GCA: variants seen among roughly 807,000 people sequenced by gnomAD.
The protein encoded by GCA is grancalcin, EF-hand calcium-binding protein.
GCA carries 30 observed loss-of-function variants against 32.6 expected under a neutral mutation model. The observed-to-expected ratio is 0.92, with a 90% confidence interval of 0.69 to 1.25. The LOEUF (loss-of-function observed/expected upper bound fraction) is 1.25. Ranked by LOEUF, GCA falls within the 50% of genes most tolerant of loss-of-function variation. GCA has a pLI of 0.00. For synonymous variants in GCA, 102 were observed against 84.6 expected (o/e 1.21, Z -1.13); for missense variants, 291 against 266.8 (o/e 1.09, Z -0.63).
At chr2:162,329,110 T>C (rs1683988247) in intron 1 of GCA, among the ~76,000 whole-genome samples, 1 of 152,064 alleles carries the variant, frequency 6.6e-6, no homozygotes, top group South Asian at 2.1e-4. Context: ...CGGGGGTTTT[T>C]TTATAGGCAC....
chr2:162,371,321 G>T (rs376836298), exon 5 of GCA: 2 of 1,287,136 alleles, frequency 1.6e-6, no homozygotes, highest in South Asian at 2.5e-5. Flanking sequence ...AGGAATGAAC[G>T]TAATTAACTT....
intron 3 of GCA, among the ~76,000 whole-genome samples, chr2:162,353,963 T>C (rs1685129123): frequency 6.6e-6 from 1 of 152,124 alleles, no homozygotes; most frequent in South Asian, 2.1e-4. Context: ...CTATTGAGTC[T>C]TTCATTTCTG....
chr2:162,355,879 A>G (rs1685243275), intron 3 of GCA, among the ~76,000 whole-genome samples: 2 of 151,912 alleles, frequency 1.3e-5, no homozygotes, highest in Non-Finnish European at 1.5e-5. Flanking sequence ...TTCATTGTAA[A>G]CTAAGTTTCT....
At chr2:162,340,546 A>G (rs190124088), upstream of GCA, among the ~76,000 whole-genome samples, 3 of 152,288 alleles carry the variant, frequency 2.0e-5, no homozygotes, top group East Asian at 1.9e-4. Context: ...TCTGTTGTCA[A>G]CAGCTGAAAG....
In GCA at chr2:162,329,054, T is replaced by C. The variant is rs1683986235; in HGVS notation, c.-31+9829T>C. Among the ~76,000 whole-genome samples the C allele has an allele frequency of 2.0e-5, 3 of 152,014 alleles. No homozygotes were observed. The South Asian group carries it at 6.2e-4, about 32-fold the overall frequency. On this transcript the variant is annotated intron_variant, in intron 1 of 4. Coordinates refer to the GCA transcript ENST00000429691. ...CGCCTGTGTATTCTTCTGCTGATGT[T>C]CTCCTCTTGATGTCCAGCTCCTTCT...
At chr2:162,336,037 AGTTTCCTACATGGAT>A (rs1346539074) in intron 1 of GCA, among the ~76,000 whole-genome samples, 2 of 152,246 alleles carry the variant, frequency 1.3e-5, no homozygotes, top group African/African-American at 4.8e-5. Flanking sequence ...GCTGATAGGT[AGTTTCCTACATGGAT>A]GTTTCCTACA....
At chr2:162,371,932 A>G (rs149916560), downstream of GCA, 1 of 1,613,898 alleles carries the variant, frequency 6.2e-7, no homozygotes, top group Non-Finnish European at 8.5e-7. Context: ...AATTGGATGA[A>G]CGTAAGTTTT....
At chr2:162,368,082 C>T (rs2105371887), downstream of GCA, among the ~76,000 whole-genome samples, 1 of 151,856 alleles carries the variant, frequency 6.6e-6, no homozygotes, top group South Asian at 2.1e-4. Flanking sequence ...ATTGCTGGGT[C>T]CCACCCCTAA....
At chr2:162,346,379 T>C (rs909370105) in intron 1 of GCA, among the ~76,000 whole-genome samples, 13 of 152,334 alleles carry the variant, frequency 8.5e-5, no homozygotes, top group Non-Finnish European at 1.3e-4. Context: ...TCCCATAATT[T>C]GAGAACCTGG....
chr2:162,353,732 T>A (rs1685115380), intron 3 of GCA, among the ~76,000 whole-genome samples: 1 of 152,224 alleles, frequency 6.6e-6, no homozygotes, highest in Non-Finnish European at 1.5e-5. Context: ...TGCGATTTGA[T>A]GGTAAAGTAC....
chr2:162,372,069 T>G (rs778936991), downstream of GCA: 10 of 1,612,724 alleles, frequency 6.2e-6, no homozygotes, highest in Admixed American at 6.7e-5. Flanking sequence ...TAAGTTTAGA[T>G]TTTTCAAGGT....
intron 3 of GCA, 84 bp from the exon 4 acceptor site, chr2:162,356,354 T>C (rs1178612057): frequency 3.7e-6 from 3 of 811,622 alleles, no homozygotes; most frequent in Admixed American, 4.0e-5. Context: ...TTTTTAATGT[T>C]TTATTTTGAA....
chr2:162,321,095 T>C (rs898969800), intron 1 of GCA, among the ~76,000 whole-genome samples: 9 of 152,178 alleles, frequency 5.9e-5, no homozygotes, highest in Non-Finnish European at 1.2e-4. Context: ...GATGGGACCC[T>C]TTTTGGAGAA....
At chr2:162,374,096 C>T (rs577574929), downstream of GCA, among the ~76,000 whole-genome samples, 16 of 152,284 alleles carry the variant, frequency 1.1e-4, no homozygotes, top group Non-Finnish European at 2.4e-4. Context: ...AGGATAATTT[C>T]TTATGTGTTT....
At position 162,360,264 on chromosome 2, in the gene GCA, G is replaced by T; in HGVS notation, c.*21G>T. 6 of 1,583,558 alleles carry T rather than the reference G, an allele frequency of 3.8e-6. No individual in the cohort carries two copies. Among genetic ancestry groups the T allele is most frequent in the Non-Finnish European group, 4.3e-6 (5 of 1,160,682 alleles). ...TTTGAATGCTTAGAATTTTAAACCTGAAGAGACACTGTGAATTCTTTTGTT... is the reference window on the plus strand; with the variant it reads ...TTTGAATGCTTAGAATTTTAAACCTTAAGAGACACTGTGAATTCTTTTGTT... On this transcript the variant is annotated 3_prime_UTR_variant, in exon 8 of 8. Transcript: ENST00000437150.
intron 1 of GCA, among the ~76,000 whole-genome samples, chr2:162,338,350 T>C (rs887942555): frequency 6.6e-6 from 1 of 152,258 alleles, no homozygotes; most frequent in Non-Finnish European, 1.5e-5. Flanking sequence ...GCCACTTTTA[T>C]GTTTTTGATG....
At chr2:162,331,784 A>G (rs554423377) in intron 1 of GCA, among the ~76,000 whole-genome samples, 1 of 152,190 alleles carries the variant, frequency 6.6e-6, no homozygotes, top group East Asian at 1.9e-4. Context: ...AACTGTATAT[A>G]TATAGCTTGC....
chr2:162,366,931 C>G (rs1685769178), downstream of GCA, among the ~76,000 whole-genome samples: 1 of 151,788 alleles, frequency 6.6e-6, no homozygotes, highest in African/African-American at 2.4e-5. Context: ...GAAAGAGCAA[C>G]AGAAAGTGTT....
intron 1 of GCA, among the ~76,000 whole-genome samples, chr2:162,327,616 G>A (rs1683931475): frequency 1.3e-5 from 2 of 152,152 alleles, no homozygotes; most frequent in African/African-American, 4.8e-5. Flanking sequence ...TTGGCTTTTG[G>A]GGTCAGCCTT....
Sources: gnomAD v4.1 joint callset for allele counts (sites outside exome capture counted in the v4.1 genomes callset) on GRCh38, gnomAD v4.1.1 for gene constraint, MANE v1.5 for transcripts, NCBI Gene and HGNC (gene_info 2026-07-23, HGNC 2026-07-21) for gene names.